The following EXOC4 variants were observed in gnomAD, a reference collection of about 807,000 sequenced individuals.
EXOC4 encodes exocyst complex component 4, also known as SEC8-like 1.
EXOC4 carries 71 observed loss-of-function variants against 107.2 expected under a neutral mutation model. The observed-to-expected ratio is 0.66, with a 90% confidence interval of 0.55 to 0.81. The LOEUF is 0.81. Ranked by LOEUF, EXOC4 falls within the 30% of genes least tolerant of loss-of-function variation. The pLI is 0.00. For missense variants in EXOC4, 1,108 were observed against 1,189.6 expected, an observed-to-expected ratio of 0.93 and a Z score of 1.01; for synonymous variants, 456 against 441.2, an observed-to-expected ratio of 1.03 and a Z score of -0.42.
At chr7:133,284,278 T>C (rs1241082755) in intron 2 of EXOC4, among the ~76,000 whole-genome samples, 1 of 152,230 alleles carries the variant, frequency 6.6e-6, no homozygotes, top group Non-Finnish European at 1.5e-5. Flanking sequence ...CCCTGACTCT[T>C]GATCAGGAGC....
chr7:133,334,229 CT>C (rs1381556759), intron 5 of EXOC4, among the ~76,000 whole-genome samples: 2 of 152,180 alleles, frequency 1.3e-5, no homozygotes, highest in African/African-American at 4.8e-5. Flanking sequence ...CCATCTCTAT[CT>C]TTTATCCCAT....
At chr7:133,979,775 G>A (rs145570105) in intron 14 of EXOC4, among the ~76,000 whole-genome samples, 141 of 151,808 alleles carry the variant, frequency 9.3e-4, no homozygotes, top group African/African-American at 3.3e-3. Context: ...GCGACAGAGC[G>A]AGACTCCATC....
chr7:134,043,420 C>T (rs1795570868), intron 17 of EXOC4, among the ~76,000 whole-genome samples: 1 of 152,332 alleles, frequency 6.6e-6, no homozygotes, highest in South Asian at 2.1e-4. Flanking sequence ...TTACACCCCC[C>T]AGCCTGAGAA....
At chr7:133,461,636 C>G (rs1798596301) in intron 7 of EXOC4, among the ~76,000 whole-genome samples, 1 of 152,142 alleles carries the variant, frequency 6.6e-6, no homozygotes, top group Non-Finnish European at 1.5e-5. Flanking sequence ...TAGGGTGGCA[C>G]TTATCTCATT....
intron 10 of EXOC4, among the ~76,000 whole-genome samples, chr7:133,811,296 T>A (rs2550999): frequency 0.87 from 131,745 of 152,186 alleles, 57,211 homozygotes; most frequent in East Asian, 0.99. Context: ...CTAATGAGAT[T>A]CTTTTCACTG....
At chr7:133,721,641 T>C (rs1795107091) in intron 10 of EXOC4, among the ~76,000 whole-genome samples, 1 of 152,154 alleles carries the variant, frequency 6.6e-6, no homozygotes, top group African/African-American at 2.4e-5. Flanking sequence ...TCCTAATAAA[T>C]CAGGCGTCTC....
At chr7:133,816,786 T>C (rs1199138930) in intron 10 of EXOC4, among the ~76,000 whole-genome samples, 1 of 152,180 alleles carries the variant, frequency 6.6e-6, no homozygotes, top group Non-Finnish European at 1.5e-5. Flanking sequence ...GTAGGGTTCA[T>C]GCTTCTATGA....
At chr7:133,537,223 T>C (rs962738161) in intron 9 of EXOC4, among the ~76,000 whole-genome samples, 6 of 151,814 alleles carry the variant, frequency 4.0e-5, no homozygotes, top group Admixed American at 3.9e-4. Context: ...TGATCTCGAC[T>C]CACTGCAGCC....
At chr7:133,623,216 A>G (rs1220385499) in intron 9 of EXOC4, among the ~76,000 whole-genome samples, 2 of 152,228 alleles carry the variant, frequency 1.3e-5, no homozygotes, top group Non-Finnish European at 2.9e-5. Context: ...ACACAAGAAT[A>G]AAATATAATT....
At chr7:133,478,825 T>G (rs1000895538) in intron 8 of EXOC4, 2 of 152,178 alleles carry the variant, frequency 1.3e-5, no homozygotes, top group African/African-American at 4.8e-5. Flanking sequence ...TTTTTGGAGG[T>G]CAGTGGCTTC....
intron 10 of EXOC4, among the ~76,000 whole-genome samples, chr7:133,682,992 G>C (rs1458094563): frequency 1.3e-5 from 2 of 152,160 alleles, no homozygotes; most frequent in Non-Finnish European, 2.9e-5. Context: ...TGATCTTACA[G>C]AGATGTTGTC....
chr7:133,314,715 T>C (rs1794950871), intron 4 of EXOC4, among the ~76,000 whole-genome samples: 1 of 152,198 alleles, frequency 6.6e-6, no homozygotes, highest in Non-Finnish European at 1.5e-5. Context: ...TAGTAACAAC[T>C]GTTTCATCAT....
At chr7:133,406,649 T>G (rs1797227632) in intron 7 of EXOC4, among the ~76,000 whole-genome samples, 1 of 152,212 alleles carries the variant, frequency 6.6e-6, no homozygotes, top group African/African-American at 2.4e-5. Flanking sequence ...AGAAATATAT[T>G]ATTGGAATTA....
At chr7:133,360,993 A>T (rs1272308024) in intron 6 of EXOC4, among the ~76,000 whole-genome samples, 1 of 152,214 alleles carries the variant, frequency 6.6e-6, no homozygotes, top group Non-Finnish European at 1.5e-5. Flanking sequence ...AGAAGAGAGC[A>T]CTAGTTTGTC....
chr7:133,289,342 A>G (rs1419762155), intron 3 of EXOC4, among the ~76,000 whole-genome samples: 1 of 152,238 alleles, frequency 6.6e-6, no homozygotes, highest in Non-Finnish European at 1.5e-5. Flanking sequence ...AAGAAATATA[A>G]TAGTAAGAAA....
chr7:133,538,016 T>C (rs1800307012), intron 9 of EXOC4, among the ~76,000 whole-genome samples: 1 of 152,174 alleles, frequency 6.6e-6, no homozygotes, highest in South Asian at 2.1e-4. Flanking sequence ...TACTTTCTTG[T>C]GACTGACAGG....
chr7:134,061,897 T>C (rs1796068194), intron 17 of EXOC4, among the ~76,000 whole-genome samples: 1 of 152,120 alleles, frequency 6.6e-6, no homozygotes, highest in South Asian at 2.1e-4. Flanking sequence ...AGCAGATACA[T>C]TAAGGAGTAG....
At chr7:133,869,721 T>C (rs1450979548) in intron 11 of EXOC4, among the ~76,000 whole-genome samples, 1 of 152,186 alleles carries the variant, frequency 6.6e-6, no homozygotes, top group African/African-American at 2.4e-5. Context: ...AGGAAGTTCT[T>C]ATCACTTAAG....
chr7:133,364,220 C>G (rs1340492877), intron 6 of EXOC4, among the ~76,000 whole-genome samples: 1 of 151,872 alleles, frequency 6.6e-6, no homozygotes, highest in Admixed American at 6.5e-5. Flanking sequence ...CCTTGACCCC[C>G]CCTGGGCTCA....
Sources: gnomAD v4.1 joint callset for allele counts (sites outside exome capture counted in the v4.1 genomes callset) on GRCh38, gnomAD v4.1.1 for gene constraint, MANE v1.5 for transcripts, NCBI Gene and HGNC (gene_info 2026-07-23, HGNC 2026-07-21) for gene names.